Variants in RERE observed in about 807,000 individuals in gnomAD.
RERE encodes the protein arginine-glutamic acid dipeptide repeats protein.
A neutral mutation model predicts 146.1 loss-of-function variants in RERE; 40 were observed. The observed-to-expected ratio is 0.27, with a 90% CI of 0.21 to 0.36. The LOEUF (loss-of-function observed/expected upper bound fraction) is 0.36, where lower values mean the gene tolerates loss of function less well. Among genes scored for constraint, RERE ranks in the 10% least tolerant of loss-of-function variants. The pLI, the probability that RERE is intolerant of heterozygous loss-of-function variation, is 1.00. For synonymous variants in RERE, 1,003 were observed against 866.0 expected (o/e 1.16, Z -2.78); for missense variants, 1,933 against 2,138.7 (o/e 0.90, Z 1.90).
intron 1 of RERE, among the ~76,000 whole-genome samples, chr1:8,705,647 A>T (rs1639542713): frequency 6.6e-6 from 1 of 152,188 alleles, no homozygotes; most frequent in African/African-American, 2.4e-5. Flanking sequence ...ATAGAGTTCT[A>T]TAGAGAAGGT....
At chr1:8,522,715 A>C (rs1307905333) in intron 7 of RERE, among the ~76,000 whole-genome samples, 1 of 152,058 alleles carries the variant, frequency 6.6e-6, no homozygotes, top group Non-Finnish European at 1.5e-5. Flanking sequence ...CTACTAAAAA[A>C]TACAAAAATT....
intron 8 of RERE, among the ~76,000 whole-genome samples, chr1:8,502,659 G>T (rs1309433164): frequency 6.7e-6 from 1 of 150,200 alleles, no homozygotes; most frequent in Admixed American, 6.6e-5. Context: ...GGGAAGGGTG[G>T]GGAAAAAATT....
In RERE at chr1:8,353,675, C is replaced by T. The variant is rs1181070283; in HGVS notation, c.*1412G>A. ...GTTCCGCTCAGAAGGGCCTGGCCTC[C>T]TGAGAAGCAGCCCCCACACAGCATG... On this transcript the variant is annotated 3_prime_UTR_variant, in exon 23 of 23. Coordinates refer to ENST00000400908, the MANE Select transcript of RERE (RefSeq NM_001042681.2). 2 of 152,242 alleles carry T rather than the reference C, an allele frequency of 1.3e-5. No individual in the cohort carries two copies. Among genetic ancestry groups the T allele is most frequent in the Admixed American group, 1.3e-4 (2 of 15,288 alleles). The allele number at this position is 152,242 out of a possible 1,614,324, so 9.4% of individuals were successfully genotyped here.
intron 12 of RERE, among the ~76,000 whole-genome samples, chr1:8,373,731 G>A (rs1021148182): frequency 3.9e-5 from 6 of 152,146 alleles, no homozygotes; most frequent in Non-Finnish European, 8.8e-5. Flanking sequence ...AATCCTATGC[G>A]AGTCATTCTT....
intron 12 of RERE, among the ~76,000 whole-genome samples, chr1:8,412,790 G>C (rs1192335582): frequency 6.6e-6 from 1 of 152,170 alleles, no homozygotes; most frequent in Non-Finnish European, 1.5e-5. Context: ...CATTGTCCTG[G>C]GACAGTAGAG....
In RERE at chr1:8,360,252, GGACGACCCCCCC is replaced by G; in HGVS notation, c.3243_3254del (p.Gly1082_Ser1085del). The G allele has an allele frequency of 6.3e-7, 1 of 1,578,434 alleles. No individual in the cohort carries two copies. Among genetic ancestry groups the G allele is most frequent in the Non-Finnish European group, 8.6e-7 (1 of 1,163,338 alleles). ...TGATCTGGACGGTGGGGAGTGGGCA[GGACGACCCCCCC>G]GCTATGCTGCCTCCTGAAGCCGCCG... is the stretch of plus-strand genomic sequence containing the variant. On this transcript the variant is annotated inframe_deletion, in exon 18 of 23. Coordinates refer to ENST00000400908, the MANE Select transcript of RERE (RefSeq NM_001042681.2).
At chr1:8,771,261 C>T (rs778334158) in intron 1 of RERE, among the ~76,000 whole-genome samples, 7 of 152,098 alleles carry the variant, frequency 4.6e-5, no homozygotes, top group African/African-American at 1.7e-4. Context: ...TGGTGGCTCA[C>T]ACCTAATCTC....
At chr1:8,473,710 C>T (rs937708893) in intron 10 of RERE, among the ~76,000 whole-genome samples, 3 of 152,198 alleles carry the variant, frequency 2.0e-5, no homozygotes, top group Non-Finnish European at 2.9e-5. Flanking sequence ...AGCCCTGTCC[C>T]GAACCAGTTG....
intron 12 of RERE, among the ~76,000 whole-genome samples, chr1:8,414,336 A>C (rs1643701087): frequency 6.6e-6 from 1 of 152,054 alleles, no homozygotes; most frequent in Admixed American, 6.5e-5. Flanking sequence ...CATGAGGTCA[A>C]GAGATCAAGA....
At chr1:8,523,662 C>CAAGAAG (rs58456905) in intron 7 of RERE, among the ~76,000 whole-genome samples, 1 of 21,244 alleles carries the variant, frequency 4.7e-5, no homozygotes, top group Non-Finnish European at 9.6e-5. Context: ...ACATACCACA[C>CAAGAAG]TCATTAGAGT....
chr1:8,794,765 G>C (rs936990710), intron 1 of RERE, among the ~76,000 whole-genome samples: 1 of 151,826 alleles, frequency 6.6e-6, no homozygotes, highest in Non-Finnish European at 1.5e-5. Context: ...AAAAAAAACT[G>C]GCCAGGTGTG....
chr1:8,435,155 A>G (rs998931129), intron 11 of RERE, among the ~76,000 whole-genome samples: 14 of 152,368 alleles, frequency 9.2e-5, no homozygotes, highest in Non-Finnish European at 1.6e-4. Context: ...CAATCTTCCA[A>G]TGATGCTTCC....
chr1:8,449,889 G>A (rs951432980), intron 11 of RERE, among the ~76,000 whole-genome samples: 1 of 152,190 alleles, frequency 6.6e-6, no homozygotes, highest in Admixed American at 6.5e-5. Flanking sequence ...AGAGAGAATA[G>A]TAACATGGAA....
intron 10 of RERE, among the ~76,000 whole-genome samples, chr1:8,475,781 C>T (rs1334376828): frequency 6.6e-6 from 1 of 151,852 alleles, no homozygotes; most frequent in Non-Finnish European, 1.5e-5. Context: ...TAACCTAGTG[C>T]CAAGTCAATA....
At chr1:8,488,206 T>C (rs1197697642) in intron 10 of RERE, among the ~76,000 whole-genome samples, 1 of 152,196 alleles carries the variant, frequency 6.6e-6, no homozygotes, top group African/African-American at 2.4e-5. Context: ...ATAAATTCAA[T>C]AGAATCCCAA....
chr1:8,638,783 A>ATTTTTTTTTTTTTTT (rs34276909), intron 2 of RERE, among the ~76,000 whole-genome samples: 4 of 100,336 alleles, frequency 4.0e-5, no homozygotes, highest in African/African-American at 1.7e-4. Context: ...ACGAAAAAAA[A>ATTTTTTTTTTTTTTT]TTTTTTTTTT....
At chr1:8,541,756 T>G (rs768828117) in intron 6 of RERE, among the ~76,000 whole-genome samples, 2 of 152,210 alleles carry the variant, frequency 1.3e-5, no homozygotes, top group Non-Finnish European at 2.9e-5. Flanking sequence ...ATATTTGACA[T>G]GTCTTTGGAA....
At chr1:8,803,933 A>C (rs537681023) in intron 1 of RERE, among the ~76,000 whole-genome samples, 23 of 152,312 alleles carry the variant, frequency 1.5e-4, no homozygotes, top group African/African-American at 5.5e-4. Flanking sequence ...AGCTATGCAA[A>C]CAAAGGTGCT....
At chr1:8,462,343 G>A (rs1326684065) in intron 11 of RERE, among the ~76,000 whole-genome samples, 1 of 152,236 alleles carries the variant, frequency 6.6e-6, no homozygotes, top group Non-Finnish European at 1.5e-5. Flanking sequence ...AAGACCGCAA[G>A]GAATGAAGAG....
Sources: gnomAD v4.1 joint callset for allele counts (sites outside exome capture counted in the v4.1 genomes callset) on GRCh38, gnomAD v4.1.1 for gene constraint, MANE v1.5 for transcripts, NCBI Gene and HGNC (gene_info 2026-07-23, HGNC 2026-07-21) for gene names.